The following PDE4D variants were observed in gnomAD, a reference collection of about 807,000 sequenced individuals.
PDE4D encodes the protein 3',5'-cyclic-AMP phosphodiesterase 4D.
PDE4D carries 24 observed loss-of-function variants against 87.4 expected under a neutral mutation model. That is an observed-to-expected ratio of 0.27 (90% CI 0.20 to 0.39). PDE4D has a LOEUF of 0.39. Among genes scored for constraint, PDE4D ranks in the 10% least tolerant of loss-of-function variants. The probability of loss-of-function intolerance (pLI) is 1.00; values close to 1 mark genes in which losing one functional copy is unlikely to be tolerated. For synonymous variants in PDE4D, 384 were observed against 383.2 expected (o/e 1.00, Z -0.02); for missense variants, 714 against 1,041.0 (o/e 0.69, Z 4.32).
intron 2 of PDE4D, among the ~76,000 whole-genome samples, chr5:59,213,315 C>T (rs935036492): frequency 3.9e-5 from 6 of 152,066 alleles, no homozygotes; most frequent in Admixed American, 2.0e-4. Context: ...CATGTGCCAC[C>T]ATGCCCAGCT....
intron 10 of PDE4D, among the ~76,000 whole-genome samples, chr5:58,989,481 G>A (rs1561246802): frequency 1.3e-5 from 2 of 151,804 alleles, no homozygotes; most frequent in Non-Finnish European, 2.9e-5. Context: ...CAAAAAGTGA[G>A]TAAGCCAGAT....
At chr5:59,516,859 T>TA (rs1308453653) in intron 1 of PDE4D, among the ~76,000 whole-genome samples, 1 of 152,128 alleles carries the variant, frequency 6.6e-6, no homozygotes, top group Non-Finnish European at 1.5e-5. Flanking sequence ...CACGAGAGCT[T>TA]TTATAAACTA....
chr5:59,496,954 C>T (rs16889908), intron 1 of PDE4D, among the ~76,000 whole-genome samples: 27,668 of 152,058 alleles, frequency 0.18, 4,595 homozygotes, highest in African/African-American at 0.45. Flanking sequence ...CCTTCTGGCG[C>T]TCACTCTTAA....
intron 1 of PDE4D, among the ~76,000 whole-genome samples, chr5:60,350,637 G>A (rs543379662): frequency 1.3e-5 from 2 of 152,282 alleles, no homozygotes; most frequent in Non-Finnish European, 2.9e-5. Flanking sequence ...CTCAGTCCCA[G>A]GATGTTGTCA....
intron 2 of PDE4D, among the ~76,000 whole-genome samples, chr5:60,123,656 G>A (rs1389810950): frequency 2.0e-5 from 3 of 151,982 alleles, no homozygotes; most frequent in Non-Finnish European, 4.4e-5. Flanking sequence ...AAACCTCAAT[G>A]TCAAAGTCTT....
chr5:59,326,415 C>T lies in PDE4D; in HGVS notation c.456-110447G>A, dbSNP rs968570494. Among the ~76,000 whole-genome samples the T allele has an allele frequency of 2.6e-5, 4 of 151,410 alleles. No homozygotes were observed. The East Asian group carries it at 7.8e-4, about 29-fold the overall frequency. Reference sequence around the variant, plus strand: ...TTTTTCCCTCTCTGTGATTCTGGAGCCATATAGTCTATAGAGTAGCCCCCC... The same window carrying T: ...TTTTTCCCTCTCTGTGATTCTGGAGTCATATAGTCTATAGAGTAGCCCCCC... On this transcript the variant is annotated intron_variant, in intron 1 of 14. Transcript: ENST00000340635.
chr5:60,285,903 A>T (rs1373706357), intron 1 of PDE4D, among the ~76,000 whole-genome samples: 6 of 152,238 alleles, frequency 3.9e-5, no homozygotes, highest in Non-Finnish European at 8.8e-5. Context: ...AACTGTTTCA[A>T]ATGCAATCAC....
chr5:60,042,753 G>A (rs1275394279), intron 2 of PDE4D, among the ~76,000 whole-genome samples: 1 of 152,208 alleles, frequency 6.6e-6, no homozygotes. Flanking sequence ...TAGCATCAAC[G>A]TCAACAAAAA....
chr5:59,892,262 C>A (rs1236762858), intron 1 of PDE4D, among the ~76,000 whole-genome samples: 1 of 152,178 alleles, frequency 6.6e-6, no homozygotes, highest in Non-Finnish European at 1.5e-5. Context: ...GGAGAAGCAG[C>A]GGTCAACTTC....
chr5:59,300,185 T>C (rs373491143), intron 1 of PDE4D, among the ~76,000 whole-genome samples: 1 of 132,472 alleles, frequency 7.5e-6, no homozygotes, highest in African/African-American at 2.9e-5. Context: ...GAATGAAAAA[T>C]ACACTTTATT....
intron 1 of PDE4D, among the ~76,000 whole-genome samples, chr5:59,444,307 G>C (rs567429907): frequency 6.6e-6 from 1 of 152,146 alleles, no homozygotes; most frequent in Non-Finnish European, 1.5e-5. Context: ...CATTAATGCC[G>C]AAAGATAACA....
At chr5:60,243,580 C>A (rs967649160) in intron 1 of PDE4D, among the ~76,000 whole-genome samples, 3 of 151,780 alleles carry the variant, frequency 2.0e-5, no homozygotes, top group Admixed American at 1.3e-4. Context: ...ACTAACAAAC[C>A]AAATTCAACA....
At chr5:59,216,331 A>G (rs1169803896) in intron 1 of PDE4D, among the ~76,000 whole-genome samples, 1 of 152,126 alleles carries the variant, frequency 6.6e-6, no homozygotes, top group East Asian at 1.9e-4. Context: ...TTCAACAAAT[A>G]CCCATTTTGT....
intron 1 of PDE4D, among the ~76,000 whole-genome samples, chr5:59,657,988 T>C (rs1296863738): frequency 1.3e-5 from 2 of 152,336 alleles, no homozygotes; most frequent in African/African-American, 4.8e-5. Context: ...AAATTCCTGT[T>C]GGCTTTAACC....
At chr5:59,582,730 A>C (rs1170303668) in intron 1 of PDE4D, among the ~76,000 whole-genome samples, 1 of 152,194 alleles carries the variant, frequency 6.6e-6, no homozygotes, top group African/African-American at 2.4e-5. Context: ...CAGTCTAATG[A>C]AAGAATTTAG....
intron 1 of PDE4D, among the ~76,000 whole-genome samples, chr5:59,458,323 A>G (rs1262159558): frequency 1.3e-5 from 2 of 152,248 alleles, no homozygotes; most frequent in African/African-American, 4.8e-5. Flanking sequence ...ATTTGGTGAA[A>G]GAATCATTGC....
At chr5:59,424,864 T>C (rs950083802) in intron 1 of PDE4D, among the ~76,000 whole-genome samples, 3 of 152,042 alleles carry the variant, frequency 2.0e-5, no homozygotes, top group Admixed American at 1.3e-4. Flanking sequence ...TAGGCAAGAG[T>C]TCAGCAGAGC....
chr5:59,179,653 T>G (rs899981080), intron 5 of PDE4D: 3 of 463,888 alleles, frequency 6.5e-6, no homozygotes, highest in Non-Finnish European at 1.3e-5. Flanking sequence ...ATGATAAAGT[T>G]AAATTTCAAG....
chr5:60,337,460 C>T (rs1757915954), intron 1 of PDE4D, among the ~76,000 whole-genome samples: 1 of 148,064 alleles, frequency 6.8e-6, no homozygotes, highest in Non-Finnish European at 1.5e-5. Flanking sequence ...TGGGGAGACA[C>T]TGGCTATAAG....
Sources: allele counts gnomAD v4.1 joint callset (sites outside exome capture counted in the v4.1 genomes callset), GRCh38; gene constraint gnomAD v4.1.1; transcripts MANE v1.5; gene names NCBI Gene and HGNC (gene_info 2026-07-23, HGNC 2026-07-21).